The following NAALADL2 variants were observed in gnomAD, a reference collection of about 807,000 sequenced individuals.
NAALADL2 encodes N-acetylated alpha-linked acidic dipeptidase like 2, also known as inactive N-acetylated-alpha-linked acidic dipeptidase-like protein 2.
A neutral mutation model predicts 87.2 loss-of-function variants in NAALADL2; 76 were observed. The ratio of observed to expected loss-of-function variants is 0.87; its 90% confidence interval spans 0.72 to 1.05. The LOEUF (loss-of-function observed/expected upper bound fraction) is 1.05. Ranked by LOEUF, NAALADL2 falls within the 50% of genes least tolerant of loss-of-function variation. The probability of loss-of-function intolerance (pLI) is 0.00; values close to 1 mark genes in which losing one functional copy is unlikely to be tolerated. For synonymous variants in NAALADL2, 354 were observed against 331.0 expected (o/e 1.07, Z -0.75); for missense variants, 1,089 against 945.8 (o/e 1.15, Z -1.99).
chr3:175,314,561 A>ATATATAT (rs1187807703), intron 4 of NAALADL2, among the ~76,000 whole-genome samples: 27 of 63,188 alleles, frequency 4.3e-4, no homozygotes, highest in Non-Finnish European at 6.9e-4. Context: ...TTCACATTCT[A>ATATATAT]ACTATATATA....
rs527799112 is a variant in NAALADL2, at chr3:175,508,125, C to T, written c.1653+36367C>T. The stretch of plus-strand genomic sequence containing the variant: ...GGCAGAGGTGCCATACATTTTTAAA[C>T]CACCAGATCTCACATGAACTTAGAG... On this transcript the variant is annotated intron_variant, in intron 9 of 13. Coordinates refer to ENST00000454872, the MANE Select transcript of NAALADL2 (RefSeq NM_207015.3). 2.0e-5 allele frequency among the ~76,000 whole-genome samples: 3 copies of T among 152,278 alleles called. No homozygotes were observed. The South Asian group carries it at 6.2e-4, about 32-fold the overall frequency.
At chr3:175,296,857 G>A (rs1756453954) in intron 4 of NAALADL2, among the ~76,000 whole-genome samples, 1 of 152,096 alleles carries the variant, frequency 6.6e-6, no homozygotes, top group South Asian at 2.1e-4. Flanking sequence ...AGCATTTCAG[G>A]GGATGAACTG....
intron 5 of NAALADL2, among the ~76,000 whole-genome samples, chr3:175,424,074 G>C (rs150492493): frequency 0.024 from 3,624 of 152,250 alleles, 157 homozygotes; most frequent in East Asian, 0.14. Context: ...CTTTTGAGAA[G>C]TGTCTGTTCA....
At chr3:175,484,567 T>G (rs1726979321) in intron 9 of NAALADL2, among the ~76,000 whole-genome samples, 1 of 152,124 alleles carries the variant, frequency 6.6e-6, no homozygotes, top group African/African-American at 2.4e-5. Flanking sequence ...GTCAAAATCA[T>G]TCTTAAAATA....
At chr3:174,544,890 A>T (rs895450780) in intron 1 of NAALADL2, among the ~76,000 whole-genome samples, 6 of 151,174 alleles carry the variant, frequency 4.0e-5, no homozygotes, top group Admixed American at 3.3e-4. Context: ...TTATTTATTT[A>T]TTTGAGACAG....
intron 5 of NAALADL2, among the ~76,000 whole-genome samples, chr3:175,327,743 A>T (rs1760912413): frequency 6.6e-6 from 1 of 152,208 alleles, no homozygotes; most frequent in Non-Finnish European, 1.5e-5. Flanking sequence ...GAAAGATAAA[A>T]GTTTTGTTTG....
At chr3:175,151,698 A>T (rs912788927) in intron 2 of NAALADL2, among the ~76,000 whole-genome samples, 5 of 152,148 alleles carry the variant, frequency 3.3e-5, no homozygotes, top group Non-Finnish European at 5.9e-5. Flanking sequence ...ATACACGCAC[A>T]TGCATACATA....
chr3:175,127,838 G>T (rs1727201629), intron 2 of NAALADL2, among the ~76,000 whole-genome samples: 1 of 151,986 alleles, frequency 6.6e-6, no homozygotes, highest in African/African-American at 2.4e-5. Flanking sequence ...GGGCAACATA[G>T]CAAGACCCTG....
intron 2 of NAALADL2, among the ~76,000 whole-genome samples, chr3:174,574,483 T>C (rs1474043192): frequency 1.3e-5 from 2 of 152,142 alleles, no homozygotes; most frequent in Non-Finnish European, 2.9e-5. Context: ...GAACATGATA[T>C]GTTATATTTG....
intron 4 of NAALADL2, among the ~76,000 whole-genome samples, chr3:175,306,830 GA>G (rs1346705489): frequency 1.3e-5 from 2 of 152,084 alleles, no homozygotes; most frequent in Non-Finnish European, 2.9e-5. Context: ...TGGAAGTCCA[GA>G]ACTTCTTAGA....
At chr3:175,307,664 T>A (rs188142734) in intron 4 of NAALADL2, among the ~76,000 whole-genome samples, 1 of 152,310 alleles carries the variant, frequency 6.6e-6, no homozygotes, top group East Asian at 1.9e-4. Context: ...GATCAGCCCT[T>A]GTTTCCAGGG....
chr3:174,958,905 A>G (rs1352842095), intron 1 of NAALADL2, among the ~76,000 whole-genome samples: 1 of 152,076 alleles, frequency 6.6e-6, no homozygotes, highest in Non-Finnish European at 1.5e-5. Context: ...AGGCATTTAT[A>G]AGCACTTAGC....
At chr3:174,482,028 T>A (rs1717585356) in intron 1 of NAALADL2, among the ~76,000 whole-genome samples, 1 of 152,084 alleles carries the variant, frequency 6.6e-6, no homozygotes, top group Admixed American at 6.6e-5. Context: ...CCAAGATCTG[T>A]GTTCCTAGAT....
At position 175,718,425 on chromosome 3, in the gene NAALADL2, A is replaced by T. The variant is rs878880424; in HGVS notation, c.1897-18881A>T. On this transcript the variant is annotated intron_variant, in intron 11 of 13. Transcript: ENST00000454872. ...ATATTAATTTTTGTTACAAATCTTA[A>T]AAAGGGGGGTGCTTCTGGGTATTTA... 3.2e-6 allele frequency: 5 copies of T among 1,587,224 alleles called. No homozygotes were observed. The Admixed American group carries it at 8.4e-5, about 27-fold the overall frequency.
intron 2 of NAALADL2, among the ~76,000 whole-genome samples, chr3:174,614,531 A>G (rs1720256683): frequency 1.3e-5 from 2 of 152,026 alleles, no homozygotes; most frequent in Admixed American, 1.3e-4. Context: ...TTTCCCATGC[A>G]CTCAGATTTT....
chr3:174,651,655 G>T (rs1724375322), intron 2 of NAALADL2, among the ~76,000 whole-genome samples: 1 of 152,118 alleles, frequency 6.6e-6, no homozygotes, highest in South Asian at 2.1e-4. Flanking sequence ...AAGGAACAGA[G>T]CTCAGACTGA....
At chr3:175,235,849 T>C (rs145692185) in intron 3 of NAALADL2, 9 of 152,332 alleles carry the variant, frequency 5.9e-5, no homozygotes, top group South Asian at 2.1e-4. Context: ...AAACTACAAC[T>C]TGTATCCTTA....
intron 2 of NAALADL2, among the ~76,000 whole-genome samples, chr3:174,661,336 A>G (rs1725483755): frequency 6.6e-6 from 1 of 152,160 alleles, no homozygotes; most frequent in African/African-American, 2.4e-5. Flanking sequence ...TGAATATTAA[A>G]GAAGAACTGT....
chr3:174,726,439 A>G (rs139517995), intron 2 of NAALADL2, among the ~76,000 whole-genome samples: 3,251 of 152,232 alleles, frequency 0.021, 39 homozygotes, highest in Middle Eastern at 0.048. Flanking sequence ...TTTGCTCACC[A>G]TGGATTCTTT....
Sources: gnomAD v4.1 joint callset for allele counts (sites outside exome capture counted in the v4.1 genomes callset) on GRCh38, gnomAD v4.1.1 for gene constraint, MANE v1.5 for transcripts, NCBI Gene and HGNC (gene_info 2026-07-23, HGNC 2026-07-21) for gene names.